RPAP1: variants seen among roughly 807,000 people sequenced by gnomAD.
The protein encoded by RPAP1 is RNA polymerase II-associated protein 1.
In RPAP1, 109 loss-of-function variants were observed where a neutral mutation model predicts 142.4. The observed-to-expected ratio is 0.77, with a 90% CI of 0.66 to 0.90. RPAP1 has a LOEUF of 0.90. RPAP1 is among the 40% of genes least tolerant of loss of function. RPAP1 has a pLI of 0.00. For synonymous variants in RPAP1, 704 were observed against 738.9 expected (o/e 0.95, Z 0.77); for missense variants, 1,546 against 1,751.7 (o/e 0.88, Z 2.10).
chr15:41,537,282 C>T, intron 1 of RPAP1, 81 bp from the exon 2 acceptor site: 1 of 712,428 alleles, frequency 1.4e-6, no homozygotes, highest in Non-Finnish European at 2.3e-6. Flanking sequence ...TCTTCTTTAT[C>T]CTTGGGTTAA....
Position 41,524,204 on chromosome 15 carries a change from A to C in RPAP1, c.2126T>G (p.Leu709Arg). 1 of 1,571,154 alleles carries C rather than the reference A, an allele frequency of 6.4e-7. No individual in the cohort carries two copies. ...CAGGGGTTGAGGTGGGTGGGTGCTG[A>C]GCTCCCGCGGCACCACCTGCAAGGC... ...MRALQVVPRE[L>R]STHPPQPLSM... Residue 709 changes from leucine (L) to arginine (R), a missense_variant, in exon 16 of 25, where the codon CTC (leucine) becomes CGC (arginine). Leu to Arg is a moderately radical substitution (Grantham distance 102). Coordinates refer to ENST00000304330, the MANE Select transcript of RPAP1 (RefSeq NM_015540.4).
At position 41,523,302 on chromosome 15, in the gene RPAP1, T is replaced by A. The variant is rs759346483; in HGVS notation, c.2489A>T (p.Glu830Val). The change falls in exon 18 of 25, where the codon GAG (glutamate) becomes GTG (valine). Residue 830 changes from glutamate to valine, a missense_variant. Glu to Val is a moderately radical substitution (Grantham distance 121, BLOSUM62 -2). This residue lies in a region of RPAP1 where 1,333 missense variants were observed against 1,486.6 expected (regional missense o/e 0.90). Transcript: ENST00000304330. ...WLQDMQRLSE[E>V]LLLPLLSQPT... Reference sequence around the variant, plus strand: ...CTGACTCAGCAGTGGCAGCAGCAGCTCCTCTGACAGGCGCTGCATGTCCTG... The same window carrying A: ...CTGACTCAGCAGTGGCAGCAGCAGCACCTCTGACAGGCGCTGCATGTCCTG... The A allele has an allele frequency of 6.2e-7, 1 of 1,612,640 alleles. No individual in the cohort carries two copies. Among genetic ancestry groups the A allele is most frequent in the Non-Finnish European group, 8.5e-7 (1 of 1,179,318 alleles).
chr15:41,522,865 CG>C lies in RPAP1; in HGVS notation c.2641del (p.Arg881ValfsTer107). 2 of 1,579,590 alleles carry C rather than the reference CG, an allele frequency of 1.3e-6. No homozygotes were observed. Among genetic ancestry groups the C allele is most frequent in the East Asian group, 2.3e-5 (1 of 43,120 alleles). On this transcript the variant is annotated frameshift_variant, in exon 19 of 25. Transcript: ENST00000304330. LOFTEE classifies it high-confidence loss of function. ...VSLGCSGGCP[R>X]LSLAGSASPF... Reference sequence around the variant, plus strand: ...TGAGGCTGAGCCAGCCAGACTGAGACGGGGGCAGCCTCCCGAGCAGCCCAGT... The same window carrying C: ...TGAGGCTGAGCCAGCCAGACTGAGACGGGGCAGCCTCCCGAGCAGCCCAGT...
At position 41,536,650 on chromosome 15, in the gene RPAP1, C is replaced by T; in HGVS notation, c.182-1G>A. 1 of 1,613,370 alleles carries T rather than the reference C, an allele frequency of 6.2e-7. No individual in the cohort carries two copies. Among genetic ancestry groups the T allele is most frequent in the Non-Finnish European group, 8.5e-7 (1 of 1,179,950 alleles). ...AAAGCTGGGGGCAAATCTGGGAGAT[C>T]TGAGAAAGAAAAGATCCCAAACGTG... is the stretch of plus-strand genomic sequence containing the variant. On this transcript the variant is annotated splice_acceptor_variant, in intron 2 of 24. Transcript: ENST00000304330. LOFTEE classifies it high-confidence loss of function.
At chr15:41,543,201 CTTTTT>C (rs71104794) in intron 1 of RPAP1, among the ~76,000 whole-genome samples, 1 of 78,934 alleles carries the variant, frequency 1.3e-5, no homozygotes. Flanking sequence ...CAATGCTGTC[CTTTTT>C]TTTTTTTTTT....
In RPAP1 at chr15:41,520,824, G is replaced by C; in HGVS notation, c.3362C>G (p.Ser1121Cys). ...HRASDTPSGL[S>C]PTDTMGTAMR... ...GGCTGTGCCCATGGTGTCTGTGGGA[G>C]AGAGTCCCGAGGGGGTGTCTGAAGC... Residue 1121 changes from serine (S) to cysteine (C), a missense_variant, in exon 22 of 25, where the codon TCT (serine) becomes TGT (cysteine). Transcript: ENST00000304330. 6.2e-7 allele frequency: 1 copy of C among 1,613,918 alleles called. No individual in the cohort carries two copies. Among genetic ancestry groups the C allele is most frequent in the Non-Finnish European group, 8.5e-7 (1 of 1,180,028 alleles).
chr15:41,534,350 G>A (rs1165478415), intron 6 of RPAP1, among the ~76,000 whole-genome samples: 5 of 151,606 alleles, frequency 3.3e-5, no homozygotes, highest in Admixed American at 2.0e-4. Context: ...CCCGGGAGGC[G>A]GAGGTTGTGG....
chr15:41,525,052 T>A lies in RPAP1; in HGVS notation c.2014A>T (p.Thr672Ser), dbSNP rs759632914. 1.9e-6 allele frequency: 3 copies of A among 1,614,086 alleles called. No homozygotes were observed. The Admixed American group carries it at 5.0e-5, about 27-fold the overall frequency. The change falls in exon 15 of 25, where the codon ACC becomes TCC. Residue 672 changes from threonine to serine, a missense_variant. By Grantham distance (58) the Thr-to-Ser change is moderately conservative (BLOSUM62 1). This residue lies in a region of RPAP1 where 1,333 missense variants were observed against 1,486.6 expected (regional missense o/e 0.90). Coordinates refer to ENST00000304330, the MANE Select transcript of RPAP1 (RefSeq NM_015540.4). ...LPPEEAEMLS[T>S]EALRLWAVAA... The stretch of plus-strand genomic sequence containing the variant: ...ACAGCCCACAGACGGAGGGCCTCGG[T>A]GCTCAGCATCTCAGCTTCCTCTGGG...
rs779738982 is a variant in RPAP1 at position 41,527,871 on chromosome 15, G to A, written c.1417C>T (p.Pro473Ser). 2.5e-6 allele frequency: 4 copies of A among 1,613,886 alleles called. No homozygotes were observed. The highest frequency in any genetic ancestry group is 1.7e-5 in the Admixed American group (1 of 59,974). The change falls in exon 11 of 25, where the codon CCT (proline) becomes TCT (serine). Residue 473 changes from proline (P) to serine (S), a missense_variant. Pro to Ser is a moderately conservative substitution (Grantham distance 74). Around this residue, in one of 3 missense-constraint regions of RPAP1, gnomAD observed 1,333 missense variants for 1,486.6 expected, o/e 0.90. Transcript: ENST00000304330. ...TATCCCTGTGGTACCTCATCTCCAG[G>A]AGCCACCAGCAGAGCCCGAAGAGCA... is the stretch of plus-strand genomic sequence containing the variant. ...IRALRALLVA[P>S]GDEELLDSTF... is the part of the protein sequence containing the mutation.
intron 14 of RPAP1, 94 bp downstream of exon 14, chr15:41,526,804 A>C: frequency 2.0e-5 from 25 of 1,273,624 alleles, no homozygotes; most frequent in Non-Finnish European, 2.4e-5. Flanking sequence ...GAAGATGGCA[A>C]GAGCTGGCCA....
rs150600684 is a variant in RPAP1, at chr15:41,525,006, C to T, written c.2060G>A (p.Gly687Asp). Residue 687 changes from glycine to aspartate, a missense_variant, in exon 15 of 25, where the codon GGC (glycine) becomes GAC (aspartate). Physicochemically the swap from Gly to Asp is moderately conservative, Grantham distance 94. Around this residue, in one of 3 missense-constraint regions of RPAP1, gnomAD observed 1,333 missense variants for 1,486.6 expected, o/e 0.90. Transcript: ENST00000304330. ...CTCTCCTCACCTGTAAAGGTAACCG[C>T]CCTGGCCATAGGAGGCAGCCACAGC... ...LWAVAASYGQGGYLYRELYPV... is the reference protein window; with the variant it reads ...LWAVAASYGQDGYLYRELYPV... The T allele has an allele frequency of 1.9e-6, 3 of 1,613,604 alleles. No homozygotes were observed. The highest frequency in any genetic ancestry group is 1.3e-5 in the African/African-American group (1 of 74,906).
chr15:41,524,046 C>G, intron 16 of RPAP1, 50 bp downstream of exon 16: 1 of 1,602,186 alleles, frequency 6.2e-7, no homozygotes, highest in South Asian at 1.1e-5. Context: ...GCCACCCCAG[C>G]CCTGTGGAGG....
chr15:41,527,826 C>T (rs774516857), intron 11 of RPAP1, 34 bp downstream of exon 11: 14 of 1,612,152 alleles, frequency 8.7e-6, no homozygotes, highest in Non-Finnish European at 1.2e-5. Flanking sequence ...CCTGGCACCT[C>T]CCAGCCCAAG....
chr15:41,526,035 C>T (rs1165308203), intron 14 of RPAP1, among the ~76,000 whole-genome samples: 1 of 152,100 alleles, frequency 6.6e-6, no homozygotes, highest in East Asian at 1.9e-4. Flanking sequence ...CTCCACCCTC[C>T]ATCTCCCGGG....
chr15:41,533,484 A>C (rs1028802530), intron 6 of RPAP1: 3 of 150,840 alleles, frequency 2.0e-5, no homozygotes, highest in African/African-American at 7.3e-5. Flanking sequence ...AAAACAAAAA[A>C]CAAAAACCAA....
chr15:41,543,734 G>C lies in RPAP1; in HGVS notation c.-77+485C>G, dbSNP rs574173388. On this transcript the variant is annotated intron_variant, in intron 1 of 24. Coordinates refer to ENST00000304330, the MANE Select transcript of RPAP1 (RefSeq NM_015540.4). ...GCGCAGATTTGTCCAGAACCAATCA[G>C]TGCTAGAAGTGATAACATTTTCAGT... is the stretch of plus-strand genomic sequence containing the variant. 5.3e-5 allele frequency among the ~76,000 whole-genome samples: 8 copies of C among 151,990 alleles called. No individual in the cohort carries two copies. The South Asian group carries it at 1.7e-3, about 32-fold the overall frequency.
In RPAP1 at chr15:41,517,517, C is replaced by A; in HGVS notation, c.*25G>T. ...AAGGCTGGATACAGGACAACGTACCCATCTTTCCATCTATATCAACTATCC... is the reference window on the plus strand; with the variant it reads ...AAGGCTGGATACAGGACAACGTACCAATCTTTCCATCTATATCAACTATCC... On this transcript the variant is annotated 3_prime_UTR_variant, in exon 25 of 25. Transcript: ENST00000304330. 6.6e-7 allele frequency: 1 copy of A among 1,522,604 alleles called. No homozygotes were observed. The highest frequency in any genetic ancestry group is 8.8e-7 in the Non-Finnish European group (1 of 1,133,202). 94.3% of individuals were successfully genotyped at this position (1,522,604 alleles called of 1,614,324 possible). A position where few individuals can be genotyped will look rare whatever the true frequency, so the allele number is the denominator to read the frequency against.
In RPAP1 at chr15:41,522,086, AG is replaced by A; in HGVS notation, c.2895+11del. 1 of 1,612,506 alleles carries A rather than the reference AG, an allele frequency of 6.2e-7. No individual in the cohort carries two copies. Among genetic ancestry groups the A allele is most frequent in the Non-Finnish European group, 8.5e-7 (1 of 1,179,292 alleles). ...GGGATGACAGGAGAACCTGTCAGAC[AG>A]GGGGACCTACCGCTTTCTGGGCCAG... On this transcript the variant is annotated intron_variant, in intron 20 of 24. Transcript: ENST00000304330.
Position 41,534,914 on chromosome 15 carries a change from G to A in RPAP1, c.563C>T (p.Pro188Leu), listed in dbSNP as rs1486252046. The change falls in exon 6 of 25, where the codon CCC (proline) becomes CTC (leucine). Residue 188 changes from proline to leucine, a missense_variant. Pro to Leu is a moderately conservative substitution (Grantham distance 98, BLOSUM62 -3). Transcript: ENST00000304330. ...CTGGCAGCCCTGGTTCCTAGGAGTG[G>A]GTGTCTCACAGGTCACGGCACCTGG... is the stretch of plus-strand genomic sequence containing the variant. ...PPEGAVTCETPTPRNQGCQLP... is the reference protein window; with the variant it reads ...PPEGAVTCETLTPRNQGCQLP... 2 of 1,614,140 alleles carry A rather than the reference G, an allele frequency of 1.2e-6. No individual in the cohort carries two copies.
Sources: allele counts gnomAD v4.1 joint callset (sites outside exome capture counted in the v4.1 genomes callset), GRCh38; gene constraint gnomAD v4.1.1; regional missense constraint gnomAD v4.1.1; transcripts MANE v1.5; gene names NCBI Gene and HGNC (gene_info 2026-07-23, HGNC 2026-07-21).